DDR2: variants seen among roughly 807,000 people sequenced by gnomAD.
DDR2 encodes discoidin domain-containing receptor 2.
DDR2 carries 27 observed loss-of-function variants against 94.9 expected under a neutral mutation model. The ratio of observed to expected loss-of-function variants is 0.28; its 90% CI spans 0.21 to 0.39. The LOEUF (loss-of-function observed/expected upper bound fraction) is 0.39. Among genes scored for constraint, DDR2 ranks in the 10% least tolerant of loss-of-function variants. The pLI is 1.00. For missense variants in DDR2, 783 were observed against 1,076.0 expected, an observed-to-expected ratio of 0.73 and a Z score of 3.81; for synonymous variants, 382 against 377.2, an observed-to-expected ratio of 1.01 and a Z score of -0.15.
chr1:162,725,316 T>A (rs1661607203), intron 3 of DDR2, among the ~76,000 whole-genome samples: 1 of 152,154 alleles, frequency 6.6e-6, no homozygotes, highest in Non-Finnish European at 1.5e-5. Flanking sequence ...TTCTTCTACT[T>A]CTTTTTTCTT....
At chr1:162,660,273 G>A (rs1474598467) in intron 2 of DDR2, among the ~76,000 whole-genome samples, 2 of 152,050 alleles carry the variant, frequency 1.3e-5, no homozygotes, top group African/African-American at 2.4e-5. Flanking sequence ...AAACATTTTC[G>A]CTTTTGTGTA....
chr1:162,761,874 G>A (rs1263406227), intron 9 of DDR2, among the ~76,000 whole-genome samples: 1 of 152,108 alleles, frequency 6.6e-6, no homozygotes, highest in Non-Finnish European at 1.5e-5. Context: ...TGCCATATTT[G>A]TTTCACCCAT....
chr1:162,779,852 A>G (rs1045666098), intron 17 of DDR2, among the ~76,000 whole-genome samples: 9 of 152,218 alleles, frequency 5.9e-5, no homozygotes, highest in African/African-American at 2.2e-4. Flanking sequence ...GCATGAAGGT[A>G]GGGACCACAT....
intron 1 of DDR2, among the ~76,000 whole-genome samples, chr1:162,645,122 A>C (rs1657344153): frequency 6.6e-6 from 1 of 152,234 alleles, no homozygotes; most frequent in South Asian, 2.1e-4. Flanking sequence ...CTGATGAAGC[A>C]GATTCTCTGT....
In DDR2 at chr1:162,755,243, G is replaced by C. The variant is rs2102136923; in HGVS notation, c.505G>C (p.Val169Leu). 1.2e-6 allele frequency: 2 copies of C among 1,614,020 alleles called. No homozygotes were observed. The highest frequency in any genetic ancestry group is 2.2e-5 in the South Asian group (2 of 91,082). The change falls in exon 6 of 18, where the codon GTC (valine) becomes CTC (leucine). Residue 169 changes from valine to leucine, a missense_variant. Transcript: ENST00000367921. Reference protein sequence around the residue: ...IVARFVRFIPVTDHSMNVCMR... With the variant: ...IVARFVRFIPLTDHSMNVCMR... ...AGCCAGATTTGTCCGGTTCATTCCA[G>C]TCACCGACCACTCCATGAATGTGTG...
At chr1:162,687,099 T>C (rs1348983845) in intron 2 of DDR2, among the ~76,000 whole-genome samples, 1 of 152,184 alleles carries the variant, frequency 6.6e-6, no homozygotes, top group Non-Finnish European at 1.5e-5. Flanking sequence ...CTGCCAGGCT[T>C]TGGGCTGCTC....
chr1:162,741,875 T>C (rs930591792), intron 3 of DDR2, among the ~76,000 whole-genome samples: 5 of 152,238 alleles, frequency 3.3e-5, no homozygotes, highest in African/African-American at 1.2e-4. Context: ...CTTAGCACAC[T>C]CAGCGACATG....
intron 1 of DDR2, among the ~76,000 whole-genome samples, chr1:162,652,875 T>C (rs1230741736): frequency 3.3e-5 from 5 of 151,768 alleles, no homozygotes; most frequent in Non-Finnish European, 2.9e-5. Flanking sequence ...GAGGCTGAGG[T>C]GGGAGGATTG....
rs1015827217 is a variant in DDR2, at chr1:162,643,043, T to C, written c.-192+10412T>C. Among the ~76,000 whole-genome samples, 6 of 152,244 alleles carry C rather than the reference T, an allele frequency of 3.9e-5. No homozygotes were observed. The East Asian group carries it at 1.2e-3, about 29-fold the overall frequency. On this transcript the variant is annotated intron_variant, in intron 1 of 17. Transcript: ENST00000367921. ...GCTGAAAAGTTGCTTTCTAATCCTT[T>C]TGCTATATTTTGGTGGCAAGCTTTG...
intron 1 of DDR2, among the ~76,000 whole-genome samples, chr1:162,642,853 A>C (rs527272535): frequency 6.6e-6 from 1 of 152,244 alleles, no homozygotes; most frequent in Non-Finnish European, 1.5e-5. Context: ...TCTTATTTGA[A>C]CATTCAGTGT....
At chr1:162,748,028 A>G (rs1279426410) in intron 3 of DDR2, among the ~76,000 whole-genome samples, 2 of 152,264 alleles carry the variant, frequency 1.3e-5, no homozygotes, top group Admixed American at 6.5e-5. Flanking sequence ...AAAAACCAGT[A>G]TCAGCCACTG....
chr1:162,702,495 A>G (rs1248152209), intron 2 of DDR2, among the ~76,000 whole-genome samples: 2 of 152,202 alleles, frequency 1.3e-5, no homozygotes, highest in Non-Finnish European at 2.9e-5. Context: ...GACTCTGAGT[A>G]TAGGTCATTC....
chr1:162,750,652 G>A lies in DDR2; in HGVS notation c.83-2443G>A, dbSNP rs565943625. Among the ~76,000 whole-genome samples the A allele has an allele frequency of 2.0e-5, 3 of 152,208 alleles. No homozygotes were observed. The East Asian group carries it at 5.8e-4, about 29-fold the overall frequency. ...CAGAATTGGAAAAAACTACTTTAAA[G>A]TTCATATGGAACCAAAAAAGAGCCC... On this transcript the variant is annotated intron_variant, in intron 3 of 17. Coordinates refer to ENST00000367921, the MANE Select transcript of DDR2 (RefSeq NM_006182.4).
chr1:162,666,123 C>T (rs1658546265), intron 2 of DDR2, among the ~76,000 whole-genome samples: 1 of 152,178 alleles, frequency 6.6e-6, no homozygotes, highest in Admixed American at 6.5e-5. Flanking sequence ...ACAAAGGGCA[C>T]TGTTAGAAGG....
rs372362070 is a variant in DDR2, at chr1:162,773,572, G to A, written c.1832G>A (p.Arg611Gln). The change falls in exon 14 of 18, where the codon CGA becomes CAA. Residue 611 changes from arginine to glutamine, a missense_variant. Physicochemically the swap from Arg to Gln is conservative, Grantham distance 43. Transcript: ENST00000367921. The part of the protein sequence containing the change: ...QPVLVAVKML[R>Q]ADANKNARND... ...GTCCTGGTGGCTGTGAAAATGCTCC[G>A]AGCAGATGCCAACAAGAATGCCAGG... is the stretch of plus-strand genomic sequence containing the variant. The A allele has an allele frequency of 2.5e-6, 4 of 1,613,856 alleles. No individual in the cohort carries two copies. The highest frequency in any genetic ancestry group is 1.3e-5 in the African/African-American group (1 of 74,926).
At chr1:162,681,865 AC>A (rs1659422537) in intron 2 of DDR2, among the ~76,000 whole-genome samples, 1 of 152,206 alleles carries the variant, frequency 6.6e-6, no homozygotes, top group Non-Finnish European at 1.5e-5. Flanking sequence ...TGTTCACAGC[AC>A]AGGAAGGTTC....
At chr1:162,758,076 G>T (rs149528913) in intron 7 of DDR2, among the ~76,000 whole-genome samples, 4 of 152,128 alleles carry the variant, frequency 2.6e-5, no homozygotes, top group African/African-American at 9.7e-5. Context: ...GGATGATGAT[G>T]GATTTAGTTT....
At chr1:162,687,865 C>T (rs901244483) in intron 2 of DDR2, among the ~76,000 whole-genome samples, 24 of 152,190 alleles carry the variant, frequency 1.6e-4, no homozygotes, top group Admixed American at 1.0e-3. Context: ...AATGGGGTCA[C>T]GAGGTGGATC....
intron 2 of DDR2, among the ~76,000 whole-genome samples, chr1:162,661,544 T>C (rs1024335041): frequency 1.3e-5 from 2 of 152,162 alleles, no homozygotes; most frequent in Admixed American, 1.3e-4. Context: ...GCTCCAAGAA[T>C]AGCTGCGTGT....
Sources: gnomAD v4.1 joint callset for allele counts (sites outside exome capture counted in the v4.1 genomes callset) on GRCh38, gnomAD v4.1.1 for gene constraint, MANE v1.5 for transcripts, NCBI Gene and HGNC (gene_info 2026-07-23, HGNC 2026-07-21) for gene names.